Variants in RASGRF2 observed in about 807,000 individuals in gnomAD.
RASGRF2 encodes the protein Ras protein specific guanine nucleotide releasing factor 2.
Under a neutral mutation model 151.0 loss-of-function variants are expected in RASGRF2, and 76 were observed. That is an observed-to-expected ratio of 0.50 (90% confidence interval 0.42 to 0.61). The LOEUF (loss-of-function observed/expected upper bound fraction) is 0.61, where lower values mean the gene tolerates loss of function less well. Ranked by LOEUF, RASGRF2 falls within the 20% of genes least tolerant of loss-of-function variation. RASGRF2 has a pLI of 0.00. For missense variants in RASGRF2, 1,148 were observed against 1,564.6 expected, an observed-to-expected ratio of 0.73 and a Z score of 4.49; for synonymous variants, 504 against 566.5, an observed-to-expected ratio of 0.89 and a Z score of 1.57.
At chr5:81,018,988 T>C (rs1749737293) in intron 1 of RASGRF2, among the ~76,000 whole-genome samples, 3 of 150,798 alleles carry the variant, frequency 2.0e-5, no homozygotes, top group South Asian at 2.1e-4. Flanking sequence ...TTGGTAGAGA[T>C]AGGGTTTCGC....
intron 1 of RASGRF2, among the ~76,000 whole-genome samples, chr5:80,969,471 C>CAA (rs771469997): frequency 4.6e-5 from 6 of 129,124 alleles, no homozygotes; most frequent in Non-Finnish European, 6.6e-5. Context: ...TTTTTTGAGA[C>CAA]AGAGTCTCAC....
chr5:81,022,337 G>A (rs1366955280), intron 1 of RASGRF2, among the ~76,000 whole-genome samples: 1 of 152,146 alleles, frequency 6.6e-6, no homozygotes. Flanking sequence ...TCCATCCCAC[G>A]GAGATGCTCA....
intron 4 of RASGRF2, 53 bp downstream of exon 4, chr5:81,070,634 T>C (rs1239478503): frequency 6.1e-6 from 9 of 1,480,218 alleles, no homozygotes; most frequent in Non-Finnish European, 8.5e-6. Context: ...AGTCGTCTGT[T>C]CTATGGTGGT....
chr5:80,975,853 CTT>C lies in RASGRF2; in HGVS notation c.288+14843_288+14844del, dbSNP rs71893376. 3.3e-3 allele frequency among the ~76,000 whole-genome samples: 437 copies of C among 133,682 alleles called. 3 individuals carry two copies. Among genetic ancestry groups the C allele is most frequent in the African/African-American group, 0.01 (367 of 35,528 alleles). 87.7% of individuals were successfully genotyped at this position (133,682 alleles called of 152,430 possible). A position where few individuals can be genotyped will look rare whatever the true frequency, so the allele number is the denominator to read the frequency against. ...TGAACATTTAATTTAAAGCAATCAT[CTT>C]TTTTTTTTTTTTTTTGAGACGGAGT... On this transcript the variant is annotated intron_variant, in intron 1 of 26. Coordinates refer to ENST00000265080, the MANE Select transcript of RASGRF2 (RefSeq NM_006909.3).
At position 81,032,283 on chromosome 5, in the gene RASGRF2, C is replaced by G. The variant is rs540262090; in HGVS notation, c.289-10594C>G. On this transcript the variant is annotated intron_variant, in intron 1 of 26. Coordinates refer to ENST00000265080, the MANE Select transcript of RASGRF2 (RefSeq NM_006909.3). ...TCAACAGAAAAAGAGGGAATCCTCC[C>G]TAACTCATTTTATGAGGCTAGCATC... Among the ~76,000 whole-genome samples, 428 of 152,312 alleles carry G rather than the reference C, an allele frequency of 2.8e-3. 3 individuals are homozygous for G. The highest frequency in any genetic ancestry group is 0.01 in the African/African-American group (418 of 41,556).
chr5:81,189,544 G>A (rs564393349), intron 18 of RASGRF2, among the ~76,000 whole-genome samples: 3 of 150,934 alleles, frequency 2.0e-5, no homozygotes, highest in African/African-American at 7.3e-5. Flanking sequence ...AGGCTGGGGG[G>A]CAGTGGTGCG....
chr5:81,014,536 C>T (rs1749569549), intron 1 of RASGRF2, among the ~76,000 whole-genome samples: 1 of 152,198 alleles, frequency 6.6e-6, no homozygotes, highest in African/African-American at 2.4e-5. Flanking sequence ...CTAGGTCCCT[C>T]CCACAACACG....
At chr5:81,012,878 C>T (rs754737557) in intron 1 of RASGRF2, among the ~76,000 whole-genome samples, 3 of 152,064 alleles carry the variant, frequency 2.0e-5, no homozygotes, top group African/African-American at 7.2e-5. Context: ...CCTGGTCATC[C>T]ACTTTGGGTG....
Position 80,972,049 on chromosome 5 carries a change from G to A in RASGRF2, c.288+11023G>A, listed in dbSNP as rs546388580. ...TGTGCCTGGCCCCTTTTCATTTATA[G>A]GTAGTATTCCTCTGAATGAGTATAC... On this transcript the variant is annotated intron_variant, in intron 1 of 26. Coordinates refer to ENST00000265080, the MANE Select transcript of RASGRF2 (RefSeq NM_006909.3). Among the ~76,000 whole-genome samples the A allele has an allele frequency of 2.6e-5, 4 of 152,080 alleles. No individual in the cohort carries two copies. The East Asian group carries it at 5.8e-4, about 22-fold the overall frequency.
chr5:81,058,486 T>A (rs2112431096), intron 2 of RASGRF2, among the ~76,000 whole-genome samples: 1 of 152,146 alleles, frequency 6.6e-6, no homozygotes, highest in African/African-American at 2.4e-5. Flanking sequence ...GTAAAGAAAG[T>A]TTTGTGATGC....
At chr5:81,170,448 C>T (rs1754634017) in intron 17 of RASGRF2, among the ~76,000 whole-genome samples, 1 of 152,258 alleles carries the variant, frequency 6.6e-6, no homozygotes. Context: ...GTGATTTTGT[C>T]TACTCTCTGA....
intron 2 of RASGRF2, among the ~76,000 whole-genome samples, chr5:81,062,988 A>T (rs1751490576): frequency 6.6e-6 from 1 of 152,050 alleles, no homozygotes. Flanking sequence ...TTTTCTCCAC[A>T]ATTCTTTGTT....
chr5:81,072,790 T>A (rs1376679620), intron 4 of RASGRF2, among the ~76,000 whole-genome samples: 1 of 152,196 alleles, frequency 6.6e-6, no homozygotes, highest in Non-Finnish European at 1.5e-5. Flanking sequence ...CAAGTGATCC[T>A]CTCACCTTAG....
At chr5:81,125,091 C>T (rs1057106677) in intron 16 of RASGRF2, among the ~76,000 whole-genome samples, 2 of 152,106 alleles carry the variant, frequency 1.3e-5, no homozygotes, top group East Asian at 1.9e-4. Flanking sequence ...TTCACTTTGT[C>T]GGCAAGGCTG....
At chr5:81,059,788 A>G (rs940978877) in intron 2 of RASGRF2, among the ~76,000 whole-genome samples, 2 of 151,258 alleles carry the variant, frequency 1.3e-5, no homozygotes, top group African/African-American at 4.9e-5. Flanking sequence ...AGGTTGCAGT[A>G]AGCTGAGATC....
intron 2 of RASGRF2, among the ~76,000 whole-genome samples, chr5:81,052,226 AC>A (rs1052449466): frequency 2.0e-5 from 3 of 152,194 alleles, no homozygotes; most frequent in Non-Finnish European, 4.4e-5. Flanking sequence ...ATAATATAGT[AC>A]TATAAAAGAT....
At chr5:81,080,841 C>CGCTAGGTATCAGTGACAT in intron 7 of RASGRF2, 52 bp downstream of exon 7, 5 of 1,538,580 alleles carry the variant, frequency 3.2e-6, no homozygotes, top group Non-Finnish European at 4.5e-6. Context: ...CTCAATGTCA[C>CGCTAGGTATCAGTGACAT]TGATACCTAG....
intron 7 of RASGRF2, among the ~76,000 whole-genome samples, chr5:81,080,998 T>A (rs1385474938): frequency 6.6e-6 from 1 of 152,198 alleles, no homozygotes; most frequent in Non-Finnish European, 1.5e-5. Flanking sequence ...AAACCAGGCA[T>A]TTTTGAAGCA....
intron 15 of RASGRF2, among the ~76,000 whole-genome samples, chr5:81,117,567 G>C (rs1753193877): frequency 6.6e-6 from 1 of 152,142 alleles, no homozygotes; most frequent in Non-Finnish European, 1.5e-5. Flanking sequence ...GGAACTTTGG[G>C]GGAAACATTC....
Sources: allele counts gnomAD v4.1 joint callset (sites outside exome capture counted in the v4.1 genomes callset), GRCh38; gene constraint gnomAD v4.1.1; transcripts MANE v1.5; gene names NCBI Gene and HGNC (gene_info 2026-07-23, HGNC 2026-07-21).